The following CSNK1G3 variants were observed in gnomAD, a reference collection of about 807,000 sequenced individuals.
CSNK1G3 encodes casein kinase 1 gamma 3, also known as casein kinase I isoform gamma-3.
Under a neutral mutation model 64.3 loss-of-function variants are expected in CSNK1G3, and 23 were observed. That is an observed-to-expected ratio of 0.36 (90% confidence interval 0.26 to 0.51). The LOEUF (loss-of-function observed/expected upper bound fraction) is 0.51. Ranked by LOEUF, CSNK1G3 falls within the 20% of genes least tolerant of loss-of-function variation. CSNK1G3 has a pLI of 0.96. For synonymous variants in CSNK1G3, 158 were observed against 162.2 expected, an observed-to-expected ratio of 0.97 and a Z score of 0.20; for missense variants, 357 against 510.5, an observed-to-expected ratio of 0.70 and a Z score of 2.90.
chr5:123,562,981 A>G (rs1786074775), intron 4 of CSNK1G3, among the ~76,000 whole-genome samples: 1 of 151,972 alleles, frequency 6.6e-6, no homozygotes, highest in South Asian at 2.1e-4. Flanking sequence ...TTATGGGAAA[A>G]TTGTTTTTGG....
chr5:123,557,228 A>T (rs981787492), intron 3 of CSNK1G3, among the ~76,000 whole-genome samples: 4 of 152,144 alleles, frequency 2.6e-5, no homozygotes, highest in Non-Finnish European at 5.9e-5. Flanking sequence ...AATGTTCAGA[A>T]CATATTTTTC....
intron 12 of CSNK1G3, among the ~76,000 whole-genome samples, chr5:123,609,483 C>T (rs891775400): frequency 2.6e-5 from 4 of 152,038 alleles, no homozygotes; most frequent in Admixed American, 1.3e-4. Flanking sequence ...TTCTATAATA[C>T]TAAGTGTTCA....
intron 4 of CSNK1G3, among the ~76,000 whole-genome samples, chr5:123,566,979 C>T (rs191070782): frequency 7.2e-5 from 11 of 152,198 alleles, no homozygotes; most frequent in Admixed American, 5.2e-4. Context: ...TGATAAATTG[C>T]CCTGAGGCGG....
At chr5:123,580,506 A>G (rs1050836567) in intron 6 of CSNK1G3, among the ~76,000 whole-genome samples, 2 of 151,946 alleles carry the variant, frequency 1.3e-5, no homozygotes, top group Non-Finnish European at 2.9e-5. Context: ...TACCTTTCTT[A>G]TAGCTGCTTA....
intron 1 of CSNK1G3, among the ~76,000 whole-genome samples, chr5:123,536,438 T>TA (rs1561474168): frequency 1.3e-5 from 2 of 148,540 alleles, no homozygotes; most frequent in Middle Eastern, 3.4e-3. Flanking sequence ...TTTTTTTTTT[T>TA]TTAAAAAAAA....
chr5:123,574,890 G>A (rs1466509343), intron 5 of CSNK1G3, among the ~76,000 whole-genome samples: 2 of 152,058 alleles, frequency 1.3e-5, no homozygotes, highest in Non-Finnish European at 1.5e-5. Context: ...AATATTTCAT[G>A]ACTTTGCAAA....
At chr5:123,614,476 C>G in exon 13 of CSNK1G3, 1 of 1,229,498 alleles carries the variant, frequency 8.1e-7, no homozygotes. Context: ...CTGTAGTGAC[C>G]ACGTATATTT....
intron 6 of CSNK1G3, among the ~76,000 whole-genome samples, chr5:123,576,489 T>A (rs1318148788): frequency 6.6e-6 from 1 of 152,064 alleles, no homozygotes; most frequent in Non-Finnish European, 1.5e-5. Context: ...GTAAAAAGAG[T>A]AAAACAATAT....
intron 6 of CSNK1G3, among the ~76,000 whole-genome samples, chr5:123,576,301 A>G (rs1579294): frequency 0.6 from 91,836 of 151,952 alleles, 29,047 homozygotes; most frequent in African/African-American, 0.79. Context: ...TGAATTCAGT[A>G]CATGTGGAAA....
Position 123,576,499 on chromosome 5 carries a change from T to G in CSNK1G3, c.673+536T>G, listed in dbSNP as rs1020259492. ...TATTGGTAAAAAGAGTAAAACAATATCAACTTCACAGGATTTTTTATAGCA... is the reference window on the plus strand; with the variant it reads ...TATTGGTAAAAAGAGTAAAACAATAGCAACTTCACAGGATTTTTTATAGCA... On this transcript the variant is annotated intron_variant, in intron 6 of 12. Coordinates refer to ENST00000345990, the Ensembl canonical transcript of CSNK1G3. 3.9e-5 allele frequency among the ~76,000 whole-genome samples: 6 copies of G among 152,250 alleles called. No homozygotes were observed. In the East Asian group the frequency reaches 1.2e-3, roughly 29 times the overall value.
chr5:123,536,498 C>T (rs1351273683), intron 1 of CSNK1G3, among the ~76,000 whole-genome samples: 1 of 148,648 alleles, frequency 6.7e-6, no homozygotes, highest in Non-Finnish European at 1.5e-5. Context: ...TTCCATACCA[C>T]TGTAGGGGGA....
At chr5:123,538,014 C>T (rs988836562) in intron 1 of CSNK1G3, among the ~76,000 whole-genome samples, 2 of 152,094 alleles carry the variant, frequency 1.3e-5, no homozygotes, top group Non-Finnish European at 2.9e-5. Context: ...ATCAGCAGTT[C>T]GTTCCTTTTT....
intron 2 of CSNK1G3, among the ~76,000 whole-genome samples, chr5:123,551,606 A>G (rs1414652492): frequency 6.6e-6 from 1 of 152,168 alleles, no homozygotes; most frequent in Admixed American, 6.5e-5. Context: ...AATAAACACT[A>G]CTGTACAAAG....
chr5:123,547,966 A>G (rs1782866331), intron 2 of CSNK1G3, among the ~76,000 whole-genome samples: 1 of 152,182 alleles, frequency 6.6e-6, no homozygotes, highest in Non-Finnish European at 1.5e-5. Flanking sequence ...ACTTTCTTTA[A>G]AACCTCATTA....
intron 4 of CSNK1G3, among the ~76,000 whole-genome samples, chr5:123,560,911 A>G (rs1785572039): frequency 6.6e-6 from 1 of 152,154 alleles, no homozygotes. Context: ...ATGGTTATAC[A>G]GTAATGTAAA....
chr5:123,578,818 C>A (rs1436473210), intron 6 of CSNK1G3, among the ~76,000 whole-genome samples: 1 of 151,848 alleles, frequency 6.6e-6, no homozygotes, highest in Non-Finnish European at 1.5e-5. Flanking sequence ...GAGGTTCTTT[C>A]TATGATATCG....
In CSNK1G3 at chr5:123,518,317, A is replaced by G. The variant is rs546022841; in HGVS notation, c.-248+5747A>G. On this transcript the variant is annotated intron_variant, in intron 1 of 12. Coordinates refer to ENST00000345990, the Ensembl canonical transcript of CSNK1G3. ...GAAGGAGTGGTATATGTGGTATGCT[A>G]TTTATTTTGGTGTAACCACATTGCT... Among the ~76,000 whole-genome samples, 76 of 152,298 alleles carry G rather than the reference A, an allele frequency of 5.0e-4. 1 individual carries two copies. Among genetic ancestry groups the G allele is most frequent in the African/African-American group, 1.7e-3 (72 of 41,560 alleles).
In CSNK1G3 at chr5:123,553,113, AT is replaced by A; in HGVS notation, c.188del (p.Leu63TyrfsTer14). 2 of 1,396,542 alleles carry A rather than the reference AT, an allele frequency of 1.4e-6. No individual in the cohort carries two copies. The highest frequency in any genetic ancestry group is 2.5e-5 in the Admixed American group (1 of 39,936). 86.5% of individuals were successfully genotyped at this position (1,396,542 alleles called of 1,614,324 possible). ...TTTTTTTTTCTTTTTCAAGGGAAAA[AT>A]TTATACACAAATGAATATGTGGCAA... On this transcript the variant is annotated frameshift_variant, in exon 3 of 13. Transcript: ENST00000345990. LOFTEE classifies it high-confidence loss of function.
intron 1 of CSNK1G3, among the ~76,000 whole-genome samples, chr5:123,530,103 A>G (rs1386798193): frequency 1.3e-5 from 2 of 151,956 alleles, no homozygotes; most frequent in East Asian, 1.9e-4. Flanking sequence ...AAAAAAAATC[A>G]TAAATTAAAT....
Sources: gnomAD v4.1 joint callset for allele counts (sites outside exome capture counted in the v4.1 genomes callset) on GRCh38, gnomAD v4.1.1 for gene constraint, MANE v1.5 for transcripts, NCBI Gene and HGNC (gene_info 2026-07-23, HGNC 2026-07-21) for gene names.